The following CNTNAP2 variants were observed in gnomAD, a reference collection of about 807,000 sequenced individuals.
The protein encoded by CNTNAP2 is contactin-associated protein-like 2.
CNTNAP2 carries 98 observed loss-of-function variants against 155.2 expected under a neutral mutation model. That is an observed-to-expected ratio of 0.63 (90% confidence interval 0.54 to 0.75). The LOEUF (loss-of-function observed/expected upper bound fraction) is 0.75, where lower values mean the gene tolerates loss of function less well. Ranked by LOEUF, CNTNAP2 falls within the 30% of genes least tolerant of loss-of-function variation. CNTNAP2 has a pLI of 0.00. For missense variants in CNTNAP2, 1,727 were observed against 1,688.1 expected (o/e 1.02, Z -0.40); for synonymous variants, 651 against 631.2 (o/e 1.03, Z -0.47).
At chr7:147,148,877 A>C (rs565052594) in intron 8 of CNTNAP2, among the ~76,000 whole-genome samples, 29 of 152,168 alleles carry the variant, frequency 1.9e-4, no homozygotes, top group Non-Finnish European at 4.4e-5. Flanking sequence ...AGGTGGGTTC[A>C]TGGTCTCACT....
At chr7:146,458,326 A>G (rs114054655) in intron 1 of CNTNAP2, among the ~76,000 whole-genome samples, 4,935 of 152,286 alleles carry the variant, frequency 0.032, 239 homozygotes, top group African/African-American at 0.11. Context: ...AGAAAAAAAG[A>G]CTGTGAGATG....
intron 15 of CNTNAP2, among the ~76,000 whole-genome samples, chr7:148,087,068 T>G (rs1472438976): frequency 6.6e-6 from 1 of 152,158 alleles, no homozygotes; most frequent in East Asian, 1.9e-4. Context: ...TAGGAGATAA[T>G]GCATTGAGTC....
chr7:147,433,838 CTTG>C (rs1306494447), intron 10 of CNTNAP2, among the ~76,000 whole-genome samples: 1 of 152,150 alleles, frequency 6.6e-6, no homozygotes, highest in African/African-American at 2.4e-5. Context: ...TTTGATATGT[CTTG>C]TTGTATGACC....
At chr7:147,662,745 G>C (rs1028884468) in intron 13 of CNTNAP2, among the ~76,000 whole-genome samples, 1 of 152,146 alleles carries the variant, frequency 6.6e-6, no homozygotes, top group African/African-American at 2.4e-5. Flanking sequence ...GAAAGGTGGG[G>C]TGGTCTGCAA....
intron 1 of CNTNAP2, among the ~76,000 whole-genome samples, chr7:146,525,956 C>T (rs545457543): frequency 3.3e-5 from 5 of 152,188 alleles, no homozygotes; most frequent in South Asian, 2.1e-4. Flanking sequence ...ATTAGAATAA[C>T]GCACAAGGAC....
intron 20 of CNTNAP2, among the ~76,000 whole-genome samples, chr7:148,261,675 A>T (rs1386676311): frequency 6.6e-6 from 1 of 152,150 alleles, no homozygotes; most frequent in Non-Finnish European, 1.5e-5. Flanking sequence ...GTGGGGGAGC[A>T]GGCAATAGCA....
chr7:146,608,838 A>G (rs1278477189), intron 1 of CNTNAP2, among the ~76,000 whole-genome samples: 2 of 152,004 alleles, frequency 1.3e-5, no homozygotes, highest in African/African-American at 2.4e-5. Flanking sequence ...TTAAATTTCA[A>G]ATTTCACTGT....
At chr7:147,762,575 A>G (rs1163017457) in intron 13 of CNTNAP2, among the ~76,000 whole-genome samples, 1 of 151,962 alleles carries the variant, frequency 6.6e-6, no homozygotes, top group Non-Finnish European at 1.5e-5. Flanking sequence ...TTCAGTGCCT[A>G]GAACAGTTCC....
intron 3 of CNTNAP2, among the ~76,000 whole-genome samples, chr7:146,854,341 A>C (rs1794935200): frequency 6.6e-6 from 1 of 152,228 alleles, no homozygotes; most frequent in Non-Finnish European, 1.5e-5. Flanking sequence ...CACTTGTGCA[A>C]ATGCATCAAG....
intron 2 of CNTNAP2, among the ~76,000 whole-genome samples, chr7:146,837,946 C>T (rs1803649643): frequency 6.6e-6 from 1 of 152,174 alleles, no homozygotes. Context: ...ACTCCCTTTA[C>T]CTGGTCTTGT....
intron 1 of CNTNAP2, among the ~76,000 whole-genome samples, chr7:146,540,273 G>A (rs1486347421): frequency 1.3e-5 from 2 of 152,006 alleles, no homozygotes; most frequent in Non-Finnish European, 2.9e-5. Flanking sequence ...CCGTTTCAAT[G>A]TTCTGTTGAG....
intron 1 of CNTNAP2, among the ~76,000 whole-genome samples, chr7:146,686,749 C>T (rs138643735): frequency 0.011 from 1,664 of 152,238 alleles, 12 homozygotes; most frequent in Middle Eastern, 0.024. Context: ...CATTACTTGA[C>T]TTACTTAATT....
At chr7:146,384,113 T>A (rs1156932522) in intron 1 of CNTNAP2, among the ~76,000 whole-genome samples, 1 of 152,156 alleles carries the variant, frequency 6.6e-6, no homozygotes, top group Non-Finnish European at 1.5e-5. Context: ...AAAAAAGAAA[T>A]TTCTGAAATT....
intron 1 of CNTNAP2, among the ~76,000 whole-genome samples, chr7:146,234,485 T>C (rs920364214): frequency 3.0e-5 from 3 of 99,648 alleles, no homozygotes; most frequent in Admixed American, 1.2e-4. Flanking sequence ...CATTTGTCAA[T>C]TTTGGCTTTT....
chr7:148,255,988 A>C (rs930405429), intron 20 of CNTNAP2, among the ~76,000 whole-genome samples: 4 of 152,192 alleles, frequency 2.6e-5, no homozygotes, highest in Non-Finnish European at 4.4e-5. Context: ...AGATGGTGAT[A>C]AACTACATCT....
At chr7:146,582,184 AG>A (rs1563143885) in intron 1 of CNTNAP2, among the ~76,000 whole-genome samples, 2 of 152,136 alleles carry the variant, frequency 1.3e-5, no homozygotes, top group Non-Finnish European at 2.9e-5. Context: ...CTTCAAGAAA[AG>A]GTTTCCCCAT....
At chr7:146,970,573 G>C (rs985499125) in intron 3 of CNTNAP2, among the ~76,000 whole-genome samples, 7 of 152,154 alleles carry the variant, frequency 4.6e-5, no homozygotes, top group African/African-American at 1.4e-4. Flanking sequence ...AGGTGCTGGA[G>C]AGGATGTGGA....
At position 146,609,073 on chromosome 7, in the gene CNTNAP2, C is replaced by G. The variant is rs561517546; in HGVS notation, c.98-165198C>G. Among the ~76,000 whole-genome samples the G allele has an allele frequency of 1.5e-4, 23 of 152,234 alleles. 2 individuals carry two copies. In the South Asian group the frequency reaches 2.5e-3, roughly 16 times the overall value. On this transcript the variant is annotated intron_variant, in intron 1 of 23. Coordinates refer to ENST00000361727, the MANE Select transcript of CNTNAP2 (RefSeq NM_014141.6). Reference sequence around the variant, plus strand: ...GACACTCAAGGATTATGGCATTTGTCAGTCCATTTTATTACTAGGTCTCAA... The same window carrying G: ...GACACTCAAGGATTATGGCATTTGTGAGTCCATTTTATTACTAGGTCTCAA...
chr7:147,958,993 A>G (rs762302993), intron 14 of CNTNAP2, among the ~76,000 whole-genome samples: 9 of 152,296 alleles, frequency 5.9e-5, no homozygotes, highest in Non-Finnish European at 1.2e-4. Flanking sequence ...ACATAACTCT[A>G]TACAAAAAGG....
Sources: gnomAD v4.1 joint callset for allele counts (sites outside exome capture counted in the v4.1 genomes callset) on GRCh38, gnomAD v4.1.1 for gene constraint, MANE v1.5 for transcripts, NCBI Gene and HGNC (gene_info 2026-07-23, HGNC 2026-07-21) for gene names.